The following SEC16B variants were observed in gnomAD, a reference collection of about 807,000 sequenced individuals.
SEC16B encodes the protein SEC16 homolog B, endoplasmic reticulum export factor.
Under a neutral mutation model 141.8 loss-of-function variants are expected in SEC16B, and 115 were observed. The observed-to-expected ratio is 0.81, with a 90% confidence interval of 0.70 to 0.95. The LOEUF (loss-of-function observed/expected upper bound fraction) is 0.95. Ranked by LOEUF, SEC16B falls within the 40% of genes least tolerant of loss-of-function variation. The probability of loss-of-function intolerance (pLI) is 0.00; values close to 1 mark genes in which losing one functional copy is unlikely to be tolerated. For missense variants in SEC16B, 1,291 were observed against 1,312.3 expected (o/e 0.98, Z 0.25); for synonymous variants, 493 against 492.5 (o/e 1.00, Z -0.01).
chr1:177,954,812 T>C (rs971197742), intron 10 of SEC16B, among the ~76,000 whole-genome samples: 3 of 152,190 alleles, frequency 2.0e-5, no homozygotes, highest in Admixed American at 2.0e-4. Context: ...ATTTAGCCAT[T>C]CCACAGTGTG....
intron 20 of SEC16B, among the ~76,000 whole-genome samples, chr1:177,935,276 C>T (rs1263001948): frequency 6.8e-6 from 1 of 147,356 alleles, no homozygotes; most frequent in Non-Finnish European, 1.5e-5. Flanking sequence ...GATGCCTCCC[C>T]AGCCCCTGTG....
At position 177,933,569 on chromosome 1, in the gene SEC16B, T is replaced by G; in HGVS notation, c.2639A>C (p.Lys880Thr). The G allele has an allele frequency of 6.2e-7, 1 of 1,613,976 alleles. No individual in the cohort carries two copies. Among genetic ancestry groups the G allele is most frequent in the Non-Finnish European group, 8.5e-7 (1 of 1,179,866 alleles). Residue 880 changes from lysine to threonine, a missense_variant, in exon 21 of 26, where the codon AAG (lysine) becomes ACG (threonine). By Grantham distance (78) the Lys-to-Thr change is moderately conservative. Transcript: ENST00000308284. ...TTTATCAGCCTCATCAGAGGACTCC[T>G]TCTCATCCTCCTTGGCTGAACTGGC... is the stretch of plus-strand genomic sequence containing the variant. ...SSASSAKEDE[K>T]ESSDEADKNS... is the part of the protein sequence containing the mutation.
At chr1:177,964,418 C>A in intron 4 of SEC16B, 139 bp from the exon 5 acceptor site, 1 of 568,630 alleles carries the variant, frequency 1.8e-6, no homozygotes, top group East Asian at 3.1e-5. Flanking sequence ...AAAGCATTTT[C>A]CTCCTACTCA....
chr1:177,972,252 G>T (rs538276916), upstream of SEC16B, among the ~76,000 whole-genome samples: 3 of 152,186 alleles, frequency 2.0e-5, no homozygotes, highest in African/African-American at 7.2e-5. Context: ...AGTTATATGG[G>T]TCACAAAATT....
chr1:177,961,787 C>G (rs1312721026), intron 5 of SEC16B, 53 bp from the exon 6 acceptor site: 2 of 1,549,146 alleles, frequency 1.3e-6, no homozygotes, highest in African/African-American at 2.7e-5. Flanking sequence ...AGCTGGTCTT[C>G]TCAAGCGTTC....
Position 177,942,040 on chromosome 1 carries a change from C to T in SEC16B, c.1882G>A (p.Val628Met), listed in dbSNP as rs950290655. 1 of 1,611,746 alleles carries T rather than the reference C, an allele frequency of 6.2e-7. No individual in the cohort carries two copies. Among genetic ancestry groups the T allele is most frequent in the African/African-American group, 1.3e-5 (1 of 74,846 alleles). Residue 628 changes from valine to methionine, a missense_variant and splice_region_variant, in exon 16 of 26, where the codon GTG (valine) becomes ATG (methionine). Transcript: ENST00000308284. ...CGGGAAGCATAAAGGAGCTTATACA[C>T]CTGTGAAGAGAAAAGAGTCAGTGAC... ...RPKSFIPSFQ[V>M]YKLLYASRLA...
At chr1:177,952,085 T>C (rs926770001) in intron 11 of SEC16B, 90 bp from the exon 12 acceptor site, 3 of 1,148,338 alleles carry the variant, frequency 2.6e-6, no homozygotes, top group South Asian at 1.3e-5. Flanking sequence ...ATAATTCTAT[T>C]AGATTTTGGC....
intron 6 of SEC16B, chr1:177,961,277 A>G (rs1653038914): frequency 4.5e-6 from 2 of 443,356 alleles, no homozygotes; most frequent in East Asian, 4.3e-5. Flanking sequence ...AAAGCAATGA[A>G]GCTTTGCATC....
At chr1:177,981,092 G>A (rs574438730) in intron 1 of SEC16B, among the ~76,000 whole-genome samples, 1 of 152,134 alleles carries the variant, frequency 6.6e-6, no homozygotes, top group African/African-American at 2.4e-5. Context: ...GCAAACCCCT[G>A]ATGTTTAGCT....
intron 12 of SEC16B, chr1:177,948,791 A>C: frequency 1.2e-6 from 1 of 839,938 alleles, no homozygotes; most frequent in Non-Finnish European, 1.6e-6. Flanking sequence ...TTGTTTTCTC[A>C]TCCCTAAAAT....
In SEC16B at chr1:177,932,779, G is replaced by A; in HGVS notation, c.2851C>T (p.Gln951Ter). ...EETPRASSPH[Q>*]AGLGLSLTPS... The stretch of plus-strand genomic sequence containing the variant: ...GTCAGTGAGAGGCCCAGGCCAGCCT[G>A]GTGGGGAGAAGATGCTCTGGGGGTC... Residue 951 changes from glutamine to a stop codon, truncating the protein, a stop_gained, in exon 23 of 26, where the codon CAG (glutamine) becomes TAG (stop). Coordinates refer to ENST00000308284, the MANE Select transcript of SEC16B (RefSeq NM_033127.4). LOFTEE classifies it high-confidence loss of function. The A allele has an allele frequency of 6.2e-7, 1 of 1,612,904 alleles. No homozygotes were observed. Among genetic ancestry groups the A allele is most frequent in the Non-Finnish European group, 8.5e-7 (1 of 1,179,618 alleles).
chr1:177,964,396 G>T, intron 4 of SEC16B, 117 bp from the exon 5 acceptor site: 1 of 622,206 alleles, frequency 1.6e-6, no homozygotes, highest in South Asian at 2.2e-5. Context: ...GTCAGCCTGG[G>T]TGCCATAGGA....
chr1:177,930,769 G>A (rs1054076956), intron 24 of SEC16B, 126 bp from the exon 25 acceptor site: 7 of 641,264 alleles, frequency 1.1e-5, no homozygotes, highest in South Asian at 4.3e-5. Context: ...GTTCCTTATC[G>A]ACTCTCCAAA....
At position 177,960,728 on chromosome 1, in the gene SEC16B, G is replaced by A; in HGVS notation, c.936+63C>T. On this transcript the variant is annotated intron_variant, in intron 7 of 25. Coordinates refer to ENST00000308284, the MANE Select transcript of SEC16B (RefSeq NM_033127.4). Reference sequence around the variant, plus strand: ...GCTCAGGCACAGGAAAGCAAGGTAAGCATGTTAGGAGTAGTTGGGTAAGCA... The same window carrying A: ...GCTCAGGCACAGGAAAGCAAGGTAAACATGTTAGGAGTAGTTGGGTAAGCA... The A allele has an allele frequency of 5.3e-6, 8 of 1,497,840 alleles. No individual in the cohort carries two copies. The South Asian group carries it at 1.1e-4, about 20-fold the overall frequency. 92.8% of individuals were successfully genotyped at this position (1,497,840 alleles called of 1,614,324 possible). A position where few individuals can be genotyped will look rare whatever the true frequency, so the allele number is the denominator to read the frequency against.
chr1:177,932,616 G>A (rs1289857062), intron 23 of SEC16B, 47 bp from the exon 24 acceptor site: 6 of 1,502,452 alleles, frequency 4.0e-6, no homozygotes, highest in Non-Finnish European at 5.3e-6. Flanking sequence ...AGGACTGGGG[G>A]TCCCCACTCC....
intron 1 of SEC16B, among the ~76,000 whole-genome samples, chr1:177,980,057 C>T (rs890525937): frequency 1.3e-5 from 2 of 152,176 alleles, no homozygotes; most frequent in Non-Finnish European, 2.9e-5. Flanking sequence ...TGGGAGCATC[C>T]CATAACTGAA....
upstream of SEC16B, among the ~76,000 whole-genome samples, chr1:177,974,108 G>C (rs914272577): frequency 6.8e-6 from 1 of 147,806 alleles, no homozygotes; most frequent in South Asian, 2.2e-4. Flanking sequence ...TCAGGCTGTG[G>C]AGATGAAATG....
At chr1:177,961,471 A>G in intron 6 of SEC16B, 119 bp downstream of exon 6, 2 of 1,071,576 alleles carry the variant, frequency 1.9e-6, no homozygotes, top group South Asian at 3.3e-5. Context: ...TGCCCAGGTG[A>G]CCTACATAAG....
At chr1:177,932,891 G>GCC in intron 22 of SEC16B, 85 bp from the exon 23 acceptor site, 1 of 1,329,132 alleles carries the variant, frequency 7.5e-7, no homozygotes, top group Non-Finnish European at 1.0e-6. Flanking sequence ...CCACACTCAC[G>GCC]ATGGCGGCCT....
Sources: allele counts gnomAD v4.1 joint callset (sites outside exome capture counted in the v4.1 genomes callset), GRCh38; gene constraint gnomAD v4.1.1; transcripts MANE v1.5; gene names NCBI Gene and HGNC (gene_info 2026-07-23, HGNC 2026-07-21).